Variants in MEP1B observed in about 807,000 individuals in gnomAD.
MEP1B encodes the protein meprin A subunit beta, also known as N-benzoyl-L-tyrosyl-P-amino-benzoic acid hydrolase subunit beta.
MEP1B carries 80 observed loss-of-function variants against 84.6 expected under a neutral mutation model. That is an observed-to-expected ratio of 0.95 (90% CI 0.79 to 1.14). The LOEUF (loss-of-function observed/expected upper bound fraction) is 1.14. Ranked by LOEUF, MEP1B falls within the 50% of genes most tolerant of loss-of-function variation. The pLI is 0.00. For missense variants in MEP1B, 766 were observed against 855.1 expected, an observed-to-expected ratio of 0.90 and a Z score of 1.30; for synonymous variants, 273 against 288.1, an observed-to-expected ratio of 0.95 and a Z score of 0.53.
chr18:32,217,315 T>C (rs982354375), intron 13 of MEP1B, among the ~76,000 whole-genome samples, 198 bp downstream of exon 13: 1 of 152,072 alleles, frequency 6.6e-6, no homozygotes, highest in Non-Finnish European at 1.5e-5. Flanking sequence ...GCCAACACAA[T>C]TTTTTTATGA....
intron 5 of MEP1B, among the ~76,000 whole-genome samples, chr18:32,201,312 A>ACAC (rs56804945): frequency 2.6e-5 from 4 of 151,432 alleles, no homozygotes; most frequent in Non-Finnish European, 5.9e-5. Context: ...ACACACACAC[A>ACAC]CACACACACA....
Position 32,215,969 on chromosome 18 carries a change from CATATATATATAT to C in MEP1B, c.1759+747_1759+758del, listed in dbSNP as rs10522884. ...ATGTACATACATGCATACATATATG[CATATATATATAT>C]ATATATATATATATATATATATATA... On this transcript the variant is annotated intron_variant, in intron 12 of 14. Coordinates refer to ENST00000269202, the MANE Select transcript of MEP1B (RefSeq NM_005925.3). 5.8e-3 allele frequency among the ~76,000 whole-genome samples: 788 copies of C among 134,778 alleles called. 4 individuals are homozygous for C. Among genetic ancestry groups the C allele is most frequent in the South Asian group, 0.014 (55 of 4,040 alleles). The allele number at this position is 134,778 out of a possible 152,430, so 88.4% of individuals were successfully genotyped here. A position where few individuals can be genotyped will look rare whatever the true frequency, so the allele number is the denominator to read the frequency against.
At chr18:32,197,539 C>T (rs2040868402) in intron 5 of MEP1B, among the ~76,000 whole-genome samples, 3 of 151,888 alleles carry the variant, frequency 2.0e-5, no homozygotes, top group African/African-American at 7.3e-5. Context: ...CCTGCCTCAG[C>T]TTCCCGAGTA....
intron 13 of MEP1B, 57 bp downstream of exon 13, chr18:32,217,174 A>G: frequency 6.4e-7 from 1 of 1,570,130 alleles, no homozygotes; most frequent in Non-Finnish European, 8.7e-7. Context: ...TTATTTCCAT[A>G]ATGTAGGATT....
At chr18:32,192,510 A>G (rs1168849406) in intron 2 of MEP1B, 136 bp from the exon 3 acceptor site, 3 of 752,476 alleles carry the variant, frequency 4.0e-6, no homozygotes, top group South Asian at 3.4e-5. Flanking sequence ...CAATCAATCA[A>G]TGTATGTTGA....
Position 32,202,990 on chromosome 18 carries a change from A to G in MEP1B, c.348A>G (p.Ile116Met), listed in dbSNP as rs71361372. ...CTTGGGCTGGAGAAACAAACTATAT[A>G]TCAGTGTTCAAGGGCAGTGGGTAAG... Reference protein sequence around the residue: ...FKPWAGETNYISVFKGSGCWS... With the variant: ...FKPWAGETNYMSVFKGSGCWS... Residue 116 changes from isoleucine (I) to methionine (M), a missense_variant, in exon 6 of 15, where the codon ATA (isoleucine) becomes ATG (methionine). Physicochemically the swap from Ile to Met is conservative, Grantham distance 10 (BLOSUM62 1). Transcript: ENST00000269202. 24,892 of 1,607,954 alleles carry G rather than the reference A, an allele frequency of 0.015. 222 individuals are homozygous for G. The highest frequency in any genetic ancestry group is 0.017 in the Non-Finnish European group (20,372 of 1,175,822).
At position 32,196,387 on chromosome 18, in the gene MEP1B, C is replaced by T; in HGVS notation, c.250+902C>T. The T allele has an allele frequency of 1.4e-6, 1 of 699,422 alleles. No individual in the cohort carries two copies. Among genetic ancestry groups the T allele is most frequent in the East Asian group, 2.7e-5 (1 of 36,912 alleles). The allele number at this position is 699,422 out of a possible 1,614,324, so 43.3% of individuals were successfully genotyped here. A position where few individuals can be genotyped will look rare whatever the true frequency, so the allele number is the denominator to read the frequency against. On this transcript the variant is annotated intron_variant, in intron 5 of 14. Transcript: ENST00000269202. The surrounding 1 kb of genome is among the most constrained non-coding windows in gnomAD (Gnocchi z 4.4). ...GGTCAGGCACTTGAGGTACTCAGAG[C>T]TCTCCTTGGTCTTCTCCTGGTCCTC...
intron 9 of MEP1B, among the ~76,000 whole-genome samples, chr18:32,209,356 G>A (rs547997338): frequency 1.3e-5 from 2 of 152,226 alleles, no homozygotes; most frequent in African/African-American, 4.8e-5. Flanking sequence ...GTGTGGTGGT[G>A]CATGTCTGTA....
Position 32,202,883 on chromosome 18 carries a change from C to T in MEP1B, c.251-10C>T, listed in dbSNP as rs1431466653. The stretch of plus-strand genomic sequence containing the variant: ...TAATAAGCTTATTTTTGTTTGTTTT[C>T]TTCCTTCAGAAATGAATGCTAAGGG... On this transcript the variant is annotated splice_polypyrimidine_tract_variant and intron_variant, in intron 5 of 14. Transcript: ENST00000269202. The T allele has an allele frequency of 6.4e-7, 1 of 1,556,302 alleles. No individual in the cohort carries two copies. Among genetic ancestry groups the T allele is most frequent in the South Asian group, 1.2e-5 (1 of 86,832 alleles).
chr18:32,209,511 A>T (rs1461382373), intron 9 of MEP1B, among the ~76,000 whole-genome samples: 2 of 151,766 alleles, frequency 1.3e-5, no homozygotes, highest in Non-Finnish European at 2.9e-5. Flanking sequence ...AATGAAAGAA[A>T]ATATATATAC....
chr18:32,190,891 C>A (rs2144369163), intron 1 of MEP1B, among the ~76,000 whole-genome samples: 1 of 152,236 alleles, frequency 6.6e-6, no homozygotes, highest in South Asian at 2.1e-4. Flanking sequence ...AACCATCCAT[C>A]CAGTTCATTC....
chr18:32,215,386 A>G lies in MEP1B; in HGVS notation c.1759+125A>G, dbSNP rs541888124. On this transcript the variant is annotated intron_variant, in intron 12 of 14. Transcript: ENST00000269202. ...ATATAGAGATGTGGGGGGAATGGGC[A>G]TGAATGGGGTTTGGGAGGAATATGA... 1.1e-3 allele frequency: 581 copies of G among 528,276 alleles called. 1 individual carries two copies. Among genetic ancestry groups the G allele is most frequent in the Non-Finnish European group, 1.5e-3 (457 of 308,172 alleles). The allele number at this position is 528,276 out of a possible 1,614,324, so 32.7% of individuals were successfully genotyped here.
chr18:32,219,154 AG>A (rs2041124439), intron 14 of MEP1B, among the ~76,000 whole-genome samples: 2 of 152,268 alleles, frequency 1.3e-5, no homozygotes, highest in Non-Finnish European at 2.9e-5. Context: ...CATTTTCTTA[AG>A]AAAAACGATT....
intron 5 of MEP1B, among the ~76,000 whole-genome samples, chr18:32,200,908 T>G (rs563933067): frequency 6.6e-6 from 1 of 152,296 alleles, no homozygotes; most frequent in East Asian, 1.9e-4. Flanking sequence ...CCTGAACAGC[T>G]GCTTACTGAA....
chr18:32,203,041 C>G (rs752448877), intron 6 of MEP1B, 31 bp downstream of exon 6: 2 of 1,271,742 alleles, frequency 1.6e-6, no homozygotes, highest in Non-Finnish European at 2.3e-6. Context: ...TCTAAGGCAT[C>G]TAAGGAGAAC....
intron 5 of MEP1B, 77 bp from the exon 6 acceptor site, chr18:32,202,816 A>G: frequency 2.4e-6 from 2 of 823,134 alleles, no homozygotes; most frequent in Non-Finnish European, 4.0e-6. Flanking sequence ...AATATATTGC[A>G]GTGGCCTGCT....
chr18:32,209,249 G>A (rs59324074), intron 9 of MEP1B, among the ~76,000 whole-genome samples: 13,337 of 152,252 alleles, frequency 0.088, 648 homozygotes, highest in African/African-American at 0.13. Flanking sequence ...GCCTTTGGGA[G>A]GCCAAGGTGG....
chr18:32,220,155 C>T (rs1382714608), intron 14 of MEP1B, 76 bp from the exon 15 acceptor site: 2 of 1,356,628 alleles, frequency 1.5e-6, no homozygotes, highest in Non-Finnish European at 2.1e-6. Flanking sequence ...AAGACCAGAT[C>T]ATTTTATTAT....
At chr18:32,214,988 C>A in intron 11 of MEP1B, 94 bp from the exon 12 acceptor site, 2 of 867,472 alleles carry the variant, frequency 2.3e-6, no homozygotes, top group Admixed American at 2.3e-5. Flanking sequence ...TTTTGAGTTC[C>A]AGCCTAATTG....
Sources: gnomAD v4.1 joint callset for allele counts (sites outside exome capture counted in the v4.1 genomes callset) on GRCh38, gnomAD v4.1.1 for gene constraint, Gnocchi (gnomAD v3.1) non-coding constraint, MANE v1.5 for transcripts, NCBI Gene and HGNC (gene_info 2026-07-23, HGNC 2026-07-21) for gene names.